The following SPOCK3 variants were observed in gnomAD, a reference collection of about 807,000 sequenced individuals.
The protein encoded by SPOCK3 is testican-3.
A neutral mutation model predicts 56.6 loss-of-function variants in SPOCK3; 30 were observed. The ratio of observed to expected loss-of-function variants is 0.53; its 90% CI spans 0.40 to 0.72. The LOEUF is 0.72. Ranked by LOEUF, SPOCK3 falls within the 30% of genes least tolerant of loss-of-function variation. The pLI is 0.00. For missense variants in SPOCK3, 527 were observed against 530.0 expected (o/e 0.99, Z 0.06); for synonymous variants, 196 against 183.3 (o/e 1.07, Z -0.56).
chr4:167,128,602 A>T (rs1298908682), intron 2 of SPOCK3, among the ~76,000 whole-genome samples: 1 of 152,214 alleles, frequency 6.6e-6, no homozygotes, highest in Non-Finnish European at 1.5e-5. Flanking sequence ...GAAGAAGAAG[A>T]ATTGTCTTGG....
chr4:166,884,181 G>A lies in SPOCK3; in HGVS notation c.589+4949C>T, dbSNP rs574534051. ...AACCTGGCTAACACAGTGAAACCCC[G>A]TCTCTACTAAAAATACAAAAAATTA... On this transcript the variant is annotated intron_variant, in intron 6 of 10. Coordinates refer to ENST00000357545, the MANE Select transcript of SPOCK3 (RefSeq NM_001040159.2). 7.9e-5 allele frequency among the ~76,000 whole-genome samples: 12 copies of A among 151,926 alleles called. 1 individual carries two copies. The South Asian group carries it at 1.7e-3, about 21-fold the overall frequency.
chr4:166,950,824 C>T (rs1742501297), intron 4 of SPOCK3, among the ~76,000 whole-genome samples: 2 of 148,766 alleles, frequency 1.3e-5, no homozygotes, highest in African/African-American at 2.6e-5. Flanking sequence ...ACAACCTGTT[C>T]CTGAATGACT....
chr4:167,192,785 T>C lies in SPOCK3; in HGVS notation c.189+41200A>G, dbSNP rs75185336. Among the ~76,000 whole-genome samples the C allele has an allele frequency of 1.3e-3, 192 of 146,192 alleles. 34 individuals are homozygous for C. In the East Asian group the frequency reaches 0.038, roughly 29 times the overall value. On this transcript the variant is annotated intron_variant, in intron 2 of 10. Transcript: ENST00000357545. ...TTATTCTGCTGCCTCCCGTAACTTT[T>C]GATACGTTGTGTTTCAATTTTCATT...
chr4:166,768,284 CG>C (rs916544955), intron 7 of SPOCK3, among the ~76,000 whole-genome samples: 96 of 152,250 alleles, frequency 6.3e-4, no homozygotes, highest in African/African-American at 2.1e-3. Context: ...TTCCTAGCCT[CG>C]ATGGTCTTTA....
chr4:166,906,874 T>C (rs555929275), intron 5 of SPOCK3, among the ~76,000 whole-genome samples: 1 of 152,142 alleles, frequency 6.6e-6, no homozygotes, highest in South Asian at 2.1e-4. Context: ...AAAATTGAAA[T>C]GCAATTAATA....
chr4:167,234,239 G>A, intron 1 of SPOCK3, 66 bp from the exon 2 acceptor site: 1 of 1,538,104 alleles, frequency 6.5e-7, no homozygotes, highest in East Asian at 2.3e-5. Flanking sequence ...TACGAAGCCA[G>A]GAGCGACCCT....
chr4:167,201,405 T>C (rs1733503592), intron 2 of SPOCK3, among the ~76,000 whole-genome samples: 1 of 151,942 alleles, frequency 6.6e-6, no homozygotes. Flanking sequence ...ATATGAGAAT[T>C]GGGAAGACAA....
chr4:166,861,114 T>C (rs1344365197), intron 6 of SPOCK3, among the ~76,000 whole-genome samples: 3 of 151,942 alleles, frequency 2.0e-5, no homozygotes, highest in African/African-American at 7.2e-5. Flanking sequence ...CAATCTCCAC[T>C]AGGAGAATGT....
At chr4:166,766,629 C>G (rs13148400) in intron 7 of SPOCK3, among the ~76,000 whole-genome samples, 5 of 151,814 alleles carry the variant, frequency 3.3e-5, no homozygotes, top group Non-Finnish European at 7.4e-5. Context: ...TGTTCATCAG[C>G]GATATTGGTC....
chr4:166,815,365 C>G lies in SPOCK3; in HGVS notation c.590-23076G>C, dbSNP rs550438118. Among the ~76,000 whole-genome samples, 122 of 152,126 alleles carry G rather than the reference C, an allele frequency of 8.0e-4. No homozygotes were observed. In the Middle Eastern group the frequency reaches 0.01, roughly 13 times the overall value. On this transcript the variant is annotated intron_variant, in intron 6 of 10. Coordinates refer to ENST00000357545, the MANE Select transcript of SPOCK3 (RefSeq NM_001040159.2). ...AAATGTAGCTTAAATACTGACCATA[C>G]TGACCTTATTAGTAGTGGAAAACTA...
At chr4:167,086,447 T>G (rs1348204805) in intron 2 of SPOCK3, among the ~76,000 whole-genome samples, 1 of 152,070 alleles carries the variant, frequency 6.6e-6, no homozygotes, top group East Asian at 1.9e-4. Flanking sequence ...TCCCTTTACC[T>G]AAGAAGTAGA....
At chr4:166,823,343 A>T (rs1266175397) in intron 6 of SPOCK3, among the ~76,000 whole-genome samples, 2 of 152,004 alleles carry the variant, frequency 1.3e-5, no homozygotes, top group African/African-American at 4.8e-5. Context: ...GATAAAAAAA[A>T]TTCCTGGGTG....
chr4:167,174,890 T>G (rs377453813), intron 2 of SPOCK3, among the ~76,000 whole-genome samples: 7 of 152,266 alleles, frequency 4.6e-5, no homozygotes, highest in African/African-American at 1.2e-4. Flanking sequence ...TTTTTTTTCT[T>G]TTGTAATATA....
intron 2 of SPOCK3, among the ~76,000 whole-genome samples, chr4:167,114,134 C>A (rs1386396368): frequency 6.6e-6 from 1 of 152,106 alleles, no homozygotes; most frequent in African/African-American, 2.4e-5. Flanking sequence ...AGACCAAACT[C>A]TCCTCTAAAA....
chr4:167,020,412 T>C (rs1161120044), intron 3 of SPOCK3, among the ~76,000 whole-genome samples: 1 of 152,088 alleles, frequency 6.6e-6, no homozygotes, highest in Admixed American at 6.6e-5. Flanking sequence ...AAAATTCATG[T>C]TGAAACTTAA....
chr4:166,948,127 G>C (rs542969826), intron 4 of SPOCK3, among the ~76,000 whole-genome samples: 24 of 151,646 alleles, frequency 1.6e-4, no homozygotes, highest in Non-Finnish European at 3.4e-4. Context: ...TTGTCTTTCT[G>C]TGCCTGGCTT....
intron 3 of SPOCK3, among the ~76,000 whole-genome samples, chr4:167,034,891 G>C (rs1752602410): frequency 6.6e-6 from 1 of 152,094 alleles, no homozygotes; most frequent in Non-Finnish European, 1.5e-5. Context: ...TTCAAATTTT[G>C]AGACTCTTCC....
intron 3 of SPOCK3, among the ~76,000 whole-genome samples, chr4:167,014,759 A>T (rs1020769494): frequency 6.6e-6 from 1 of 151,896 alleles, no homozygotes; most frequent in Admixed American, 6.6e-5. Context: ...ACATGCATAC[A>T]CACACTCACA....
intron 2 of SPOCK3, among the ~76,000 whole-genome samples, chr4:167,088,396 G>C (rs1030174816): frequency 6.6e-6 from 1 of 150,464 alleles, no homozygotes; most frequent in Admixed American, 6.6e-5. Flanking sequence ...CACCAGTCTT[G>C]AATTACTTTC....
Sources: allele counts gnomAD v4.1 joint callset (sites outside exome capture counted in the v4.1 genomes callset), GRCh38; gene constraint gnomAD v4.1.1; transcripts MANE v1.5; gene names NCBI Gene and HGNC (gene_info 2026-07-23, HGNC 2026-07-21).